Variants in MCF2L2 observed in about 807,000 individuals in gnomAD.
MCF2L2 encodes the protein MCF.2 cell line derived transforming sequence-like 2.
A neutral mutation model predicts 150.2 loss-of-function variants in MCF2L2; 102 were observed. That is an observed-to-expected ratio of 0.68 (90% CI 0.58 to 0.80). The LOEUF is 0.80. Among genes scored for constraint, MCF2L2 ranks in the 30% least tolerant of loss-of-function variants. The probability of loss-of-function intolerance (pLI) is 0.00; values close to 1 mark genes in which losing one functional copy is unlikely to be tolerated. For missense variants in MCF2L2, 1,256 were observed against 1,372.8 expected (o/e 0.91, Z 1.34); for synonymous variants, 465 against 491.3 (o/e 0.95, Z 0.71).
intron 27 of MCF2L2, among the ~76,000 whole-genome samples, chr3:183,183,409 C>T (rs890873367): frequency 6.6e-6 from 1 of 152,200 alleles, no homozygotes; most frequent in African/African-American, 2.4e-5. Context: ...GCTGGCAGCA[C>T]TGAGGGGACC....
intron 1 of MCF2L2, among the ~76,000 whole-genome samples, chr3:183,427,314 GGAA>G (rs1716216247): frequency 6.6e-6 from 1 of 152,132 alleles, no homozygotes; most frequent in South Asian, 2.1e-4. Context: ...TTCAACTCAG[GGAA>G]GAAGATTAAA....
chr3:183,220,696 C>G (rs187056427), intron 20 of MCF2L2, among the ~76,000 whole-genome samples: 1 of 152,278 alleles, frequency 6.6e-6, no homozygotes, highest in South Asian at 2.1e-4. Flanking sequence ...ACCATTTAAT[C>G]AAAAATCTTT....
chr3:183,250,257 C>T (rs1724454727), intron 15 of MCF2L2, among the ~76,000 whole-genome samples: 1 of 152,136 alleles, frequency 6.6e-6, no homozygotes, highest in African/African-American at 2.4e-5. Flanking sequence ...CCCAAAGACA[C>T]TTAAGGTTGA....
rs112440772 is a variant in MCF2L2 at position 183,395,886 on chromosome 3, C to T, written c.77-6107G>A. 3.4e-3 allele frequency among the ~76,000 whole-genome samples: 494 copies of T among 145,240 alleles called. 9 individuals are homozygous for T. Among genetic ancestry groups the T allele is most frequent in the East Asian group, 0.031 (156 of 4,986 alleles). On this transcript the variant is annotated intron_variant, in intron 1 of 29. Transcript: ENST00000328913. ...TGAGCTGTGATCATGCCACTGCACTCCAGCCTGGGCAACAGCGCAAGACAT... is the reference window on the plus strand; with the variant it reads ...TGAGCTGTGATCATGCCACTGCACTTCAGCCTGGGCAACAGCGCAAGACAT...
At chr3:183,257,015 A>C (rs1725101723) in intron 15 of MCF2L2, among the ~76,000 whole-genome samples, 1 of 152,218 alleles carries the variant, frequency 6.6e-6, no homozygotes, top group Non-Finnish European at 1.5e-5. Context: ...TTTTGAGAAG[A>C]AGCATATTAT....
At chr3:183,356,691 A>G (rs536314114) in intron 3 of MCF2L2, among the ~76,000 whole-genome samples, 9 of 152,344 alleles carry the variant, frequency 5.9e-5, no homozygotes, top group African/African-American at 2.2e-4. Context: ...AATCCAAGTC[A>G]GATAATTATA....
At position 183,323,380 on chromosome 3, in the gene MCF2L2, C is replaced by G. The variant is rs377256499; in HGVS notation, c.487-29G>C. 3.2e-4 allele frequency: 383 copies of G among 1,180,264 alleles called. 1 individual carries two copies. Among genetic ancestry groups the G allele is most frequent in the Non-Finnish European group, 4.6e-4 (365 of 786,492 alleles). The allele number at this position is 1,180,264 out of a possible 1,614,324, so 73.1% of individuals were successfully genotyped here. A position where few individuals can be genotyped will look rare whatever the true frequency, so the allele number is the denominator to read the frequency against. On this transcript the variant is annotated intron_variant, in intron 5 of 29. Coordinates refer to ENST00000328913, the MANE Select transcript of MCF2L2 (RefSeq NM_015078.4). ...TAAGGTAAAAATTTAATTAAACATA[C>G]TCCTCATTGATCATTAAATAATAGC...
rs1576901493 is a variant in MCF2L2, at chr3:183,180,281, C to T, written c.3017-122G>A. On this transcript the variant is annotated intron_variant, in intron 27 of 29. Coordinates refer to ENST00000328913, the MANE Select transcript of MCF2L2 (RefSeq NM_015078.4). ...CGGTCCTCCCCATCTCTAACTCCTG[C>T]TCTCCAAGGGCCTGCACTGCGCTGG... is the stretch of plus-strand genomic sequence containing the variant. 4.5e-5 allele frequency: 32 copies of T among 708,238 alleles called. No individual in the cohort carries two copies. The East Asian group carries it at 7.1e-4, about 16-fold the overall frequency. The allele number at this position is 708,238 out of a possible 1,614,324, so 43.9% of individuals were successfully genotyped here.
chr3:183,417,146 T>C (rs76085389), intron 1 of MCF2L2, among the ~76,000 whole-genome samples: 1 of 91,684 alleles, frequency 1.1e-5, no homozygotes, highest in Non-Finnish European at 2.3e-5. Flanking sequence ...AAAAAAAAAA[T>C]GGTAATTTAG....
At chr3:183,384,937 GA>G (rs1261159258) in intron 2 of MCF2L2, among the ~76,000 whole-genome samples, 1 of 152,118 alleles carries the variant, frequency 6.6e-6, no homozygotes, top group Non-Finnish European at 1.5e-5. Context: ...ATAAAAAGGA[GA>G]TATTCAGTCA....
intron 15 of MCF2L2, among the ~76,000 whole-genome samples, chr3:183,273,719 G>A (rs1726983287): frequency 6.6e-6 from 1 of 152,058 alleles, no homozygotes; most frequent in South Asian, 2.1e-4. Context: ...TGTACCTTTT[G>A]TATATTTAGA....
At chr3:183,241,697 A>G (rs774258055) in intron 15 of MCF2L2, among the ~76,000 whole-genome samples, 1 of 152,214 alleles carries the variant, frequency 6.6e-6, no homozygotes, top group Non-Finnish European at 1.5e-5. Flanking sequence ...ATGAGAATAG[A>G]CTAATACAGT....
chr3:183,416,395 T>C (rs962252649), intron 1 of MCF2L2, among the ~76,000 whole-genome samples: 3 of 152,320 alleles, frequency 2.0e-5, no homozygotes, highest in African/African-American at 7.2e-5. Flanking sequence ...TTATTCCAAA[T>C]GCAGCTTTTC....
intron 1 of MCF2L2, among the ~76,000 whole-genome samples, chr3:183,411,201 C>T (rs1715300847): frequency 6.6e-6 from 1 of 152,080 alleles, no homozygotes; most frequent in Non-Finnish European, 1.5e-5. Context: ...TTGGTAATGT[C>T]AGTGTGTTAA....
chr3:183,404,280 G>A (rs1297159473), intron 1 of MCF2L2, among the ~76,000 whole-genome samples: 1 of 151,944 alleles, frequency 6.6e-6, no homozygotes, highest in Non-Finnish European at 1.5e-5. Flanking sequence ...TATCAAACAA[G>A]CAAAAATTCA....
In MCF2L2 at chr3:183,179,478, G is replaced by C. The variant is rs750149922; in HGVS notation, c.3247C>G (p.Arg1083Gly). The C allele has an allele frequency of 6.2e-7, 1 of 1,604,926 alleles. No homozygotes were observed. Among genetic ancestry groups the C allele is most frequent in the Middle Eastern group, 1.7e-4 (1 of 6,042 alleles). ...AGCCGGCCCGTGGACGCCCCAGCGC[G>C]CTCCTCCTCGGTGCTGCGGGTCGCC... ...ETATRSTEEE[R>G]AGASTGRLAP... Residue 1083 changes from arginine (R) to glycine (G), a missense_variant, in exon 30 of 30, where the codon CGC (arginine) becomes GGC (glycine). Arg to Gly is a moderately radical substitution (Grantham distance 125). Coordinates refer to ENST00000328913, the MANE Select transcript of MCF2L2 (RefSeq NM_015078.4). The surrounding 1 kb of genome is among the most constrained non-coding windows in gnomAD (Gnocchi z 4.2).
chr3:183,315,631 T>A (rs530176767), intron 7 of MCF2L2, among the ~76,000 whole-genome samples: 18 of 152,324 alleles, frequency 1.2e-4, no homozygotes, highest in African/African-American at 2.9e-4. Flanking sequence ...GCTGCCTGTT[T>A]TAATTCTGAG....
At chr3:183,364,909 G>A (rs962535463) in intron 3 of MCF2L2, among the ~76,000 whole-genome samples, 4 of 152,112 alleles carry the variant, frequency 2.6e-5, no homozygotes, top group Admixed American at 6.5e-5. Flanking sequence ...TTTCACAGGC[G>A]AATTCTACAA....
At position 183,318,052 on chromosome 3, in the gene MCF2L2, G is replaced by A. The variant is rs754760789; in HGVS notation, c.753+16C>T. ...TGGCACAGACACTGGCCTCTGAGAG[G>A]TCACTGACCGCTCACCTGCAGCTTG... On this transcript the variant is annotated intron_variant, in intron 7 of 29. Coordinates refer to ENST00000328913, the MANE Select transcript of MCF2L2 (RefSeq NM_015078.4). 2.3e-5 allele frequency: 37 copies of A among 1,611,912 alleles called. No individual in the cohort carries two copies. Among genetic ancestry groups the A allele is most frequent in the Non-Finnish European group, 3.1e-5 (36 of 1,179,168 alleles).
Sources: allele counts gnomAD v4.1 joint callset (sites outside exome capture counted in the v4.1 genomes callset), GRCh38; gene constraint gnomAD v4.1.1; non-coding constraint Gnocchi (gnomAD v3.1); transcripts MANE v1.5; gene names NCBI Gene and HGNC (gene_info 2026-07-23, HGNC 2026-07-21).